The following GABRB2 variants were observed in gnomAD, a reference collection of about 807,000 sequenced individuals.
GABRB2 encodes gamma-aminobutyric acid receptor subunit beta-2.
GABRB2 carries 16 observed loss-of-function variants against 54.7 expected under a neutral mutation model. That is an observed-to-expected ratio of 0.29 (90% confidence interval 0.20 to 0.44). The LOEUF is 0.44. Ranked by LOEUF, GABRB2 falls within the 20% of genes least tolerant of loss-of-function variation. The pLI is 1.00. For missense variants in GABRB2, 355 were observed against 644.0 expected (o/e 0.55, Z 4.86); for synonymous variants, 244 against 233.8 (o/e 1.04, Z -0.40).
At chr5:161,309,250 GA>G (rs1227373414) in intron 9 of GABRB2, among the ~76,000 whole-genome samples, 2 of 151,990 alleles carry the variant, frequency 1.3e-5, no homozygotes, top group Non-Finnish European at 2.9e-5. Context: ...ATAATCATAT[GA>G]AAAAAAGCTT....
chr5:161,382,188 G>T (rs1364601274), intron 5 of GABRB2, among the ~76,000 whole-genome samples: 2 of 152,176 alleles, frequency 1.3e-5, no homozygotes, highest in Admixed American at 1.3e-4. Context: ...AAGTGGCAGA[G>T]GAAAGCAAAT....
intron 3 of GABRB2, among the ~76,000 whole-genome samples, chr5:161,534,841 T>C (rs766956234): frequency 3.3e-5 from 5 of 152,100 alleles, no homozygotes; most frequent in Non-Finnish European, 7.4e-5. Context: ...TTTAAGAGAA[T>C]CATATGCAGG....
intron 9 of GABRB2, among the ~76,000 whole-genome samples, chr5:161,310,423 A>G (rs1022784311): frequency 6.6e-6 from 1 of 152,256 alleles, no homozygotes; most frequent in Non-Finnish European, 1.5e-5. Context: ...CCTTGTTGCT[A>G]CTGGAAGCCA....
At chr5:161,400,782 ACAGCTGTG>A (rs1156633622) in intron 5 of GABRB2, among the ~76,000 whole-genome samples, 54 of 152,300 alleles carry the variant, frequency 3.5e-4, no homozygotes, top group African/African-American at 1.3e-3. Flanking sequence ...CCTAAGCTTG[ACAGCTGTG>A]CTTACCACCT....
At chr5:161,487,894 G>T (rs1367794107) in intron 3 of GABRB2, among the ~76,000 whole-genome samples, 1 of 151,838 alleles carries the variant, frequency 6.6e-6, no homozygotes, top group African/African-American at 2.4e-5. Context: ...GTTCGAAGAA[G>T]AGTTTGGCAG....
chr5:161,358,623 C>T (rs1754712435), intron 5 of GABRB2, among the ~76,000 whole-genome samples: 1 of 152,106 alleles, frequency 6.6e-6, no homozygotes. Flanking sequence ...TAGATGGAAG[C>T]ATGAGAACAG....
In GABRB2 at chr5:161,439,828, G is replaced by C. The variant is rs191056661; in HGVS notation, c.458+19796C>G. 2.0e-5 allele frequency among the ~76,000 whole-genome samples: 3 copies of C among 152,024 alleles called. No individual in the cohort carries two copies. The East Asian group carries it at 5.8e-4, about 30-fold the overall frequency. On this transcript the variant is annotated intron_variant, in intron 4 of 9. Transcript: ENST00000393959. ...ACATGAGGGCCTGCCATTGGTGGGG[G>C]TAGGGGGAGGGAGGGCATAAGGAAG...
intron 4 of GABRB2, among the ~76,000 whole-genome samples, chr5:161,453,953 G>T (rs1345958265): frequency 6.6e-6 from 1 of 151,056 alleles, no homozygotes; most frequent in Admixed American, 6.6e-5. Flanking sequence ...CAGGAGAATT[G>T]CTTGAACCCG....
chr5:161,302,436 G>A (rs1213226204), intron 9 of GABRB2, among the ~76,000 whole-genome samples: 1 of 152,128 alleles, frequency 6.6e-6, no homozygotes, highest in Non-Finnish European at 1.5e-5. Flanking sequence ...AATATACTCT[G>A]GAGAGATGTC....
chr5:161,312,173 C>T (rs918320746), intron 9 of GABRB2, among the ~76,000 whole-genome samples: 1 of 152,158 alleles, frequency 6.6e-6, no homozygotes, highest in Non-Finnish European at 1.5e-5. Flanking sequence ...AGTCTGATGG[C>T]TTCTGTGCAT....
intron 9 of GABRB2, among the ~76,000 whole-genome samples, chr5:161,297,472 C>A (rs1050943977): frequency 4.6e-5 from 7 of 152,052 alleles, no homozygotes; most frequent in Admixed American, 1.3e-4. Flanking sequence ...GTGATGTTCC[C>A]TTCCCTGTGT....
At chr5:161,437,741 A>C (rs1757352498) in intron 4 of GABRB2, among the ~76,000 whole-genome samples, 1 of 152,234 alleles carries the variant, frequency 6.6e-6, no homozygotes, top group Non-Finnish European at 1.5e-5. Flanking sequence ...ACCTTAGGAG[A>C]GCAATGACAA....
At chr5:161,355,487 GT>G (rs1404025700) in intron 5 of GABRB2, among the ~76,000 whole-genome samples, 1 of 151,386 alleles carries the variant, frequency 6.6e-6, no homozygotes, top group Admixed American at 6.6e-5. Context: ...TATGCACATT[GT>G]ATATACATAT....
intron 9 of GABRB2, among the ~76,000 whole-genome samples, chr5:161,318,282 C>A (rs1758103399): frequency 1.3e-5 from 2 of 151,080 alleles, no homozygotes; most frequent in Middle Eastern, 3.2e-3. Flanking sequence ...GAATTTTCTG[C>A]CGTGTTTCAT....
chr5:161,323,798 T>A (rs997169777), intron 9 of GABRB2, among the ~76,000 whole-genome samples: 4 of 152,190 alleles, frequency 2.6e-5, no homozygotes, highest in African/African-American at 9.6e-5. Flanking sequence ...ACTGTGTGTA[T>A]GTGTTTATAT....
At chr5:161,308,526 A>C (rs1427544930) in intron 9 of GABRB2, among the ~76,000 whole-genome samples, 1 of 152,118 alleles carries the variant, frequency 6.6e-6, no homozygotes, top group Non-Finnish European at 1.5e-5. Flanking sequence ...CAAATTCCTA[A>C]AGTACCAAAA....
At chr5:161,538,231 G>T (rs576508145) in intron 3 of GABRB2, among the ~76,000 whole-genome samples, 1 of 152,086 alleles carries the variant, frequency 6.6e-6, no homozygotes, top group Non-Finnish European at 1.5e-5. Context: ...GCATTCGCCC[G>T]GGGTCAAATA....
chr5:161,507,979 C>G (rs1759659494), intron 3 of GABRB2, among the ~76,000 whole-genome samples: 3 of 151,836 alleles, frequency 2.0e-5, no homozygotes, highest in Non-Finnish European at 4.4e-5. Flanking sequence ...TACACCAAGA[C>G]CCAGTAATCC....
At chr5:161,511,713 G>A (rs1025018564) in intron 3 of GABRB2, among the ~76,000 whole-genome samples, 3 of 151,952 alleles carry the variant, frequency 2.0e-5, no homozygotes, top group Non-Finnish European at 4.4e-5. Flanking sequence ...AGGGCTGTGA[G>A]GGAAGAATCT....
Sources: allele counts gnomAD v4.1 joint callset (sites outside exome capture counted in the v4.1 genomes callset), GRCh38; gene constraint gnomAD v4.1.1; transcripts MANE v1.5; gene names NCBI Gene and HGNC (gene_info 2026-07-23, HGNC 2026-07-21).